IGBP1C: variants seen among roughly 807,000 people sequenced by gnomAD.
IGBP1C encodes immunoglobulin-binding protein 1 family member C.
the IGBP1C span, among the ~76,000 whole-genome samples, chr17:58,690,494 C>T: frequency 2.0e-5 from 3 of 152,088 alleles, no homozygotes; most frequent in Non-Finnish European, 4.4e-5. Context: ...CCACTGTCAA[C>T]GAAAGAAATT....
the IGBP1C span, among the ~76,000 whole-genome samples, chr17:58,667,479 G>A: frequency 6.6e-6 from 1 of 152,128 alleles, no homozygotes; most frequent in Admixed American, 6.5e-5. Context: ...AATACTAACA[G>A]CTAACATCTA....
chr17:58,678,267 C>G, the IGBP1C span, among the ~76,000 whole-genome samples: 1 of 152,130 alleles, frequency 6.6e-6, no homozygotes, highest in Non-Finnish European at 1.5e-5. Flanking sequence ...GACAGTGTGG[C>G]GATTCCTCAA....
At chr17:58,690,913 C>T in the IGBP1C span, among the ~76,000 whole-genome samples, 1 of 152,188 alleles carries the variant, frequency 6.6e-6, no homozygotes, top group Non-Finnish European at 1.5e-5. Flanking sequence ...ATCACCCAAG[C>T]TGGAGTGCAG....
At chr17:58,661,279 A>G in the IGBP1C span, 1 of 806,092 alleles carries the variant, frequency 1.2e-6, no homozygotes, top group South Asian at 1.3e-5. Flanking sequence ...AGTGTTCGCG[A>G]GCCTGCTGCA....
At chr17:58,687,269 C>T in the IGBP1C span, among the ~76,000 whole-genome samples, 3 of 152,094 alleles carry the variant, frequency 2.0e-5, no homozygotes, top group South Asian at 4.1e-4. Context: ...CCCCTTCTCC[C>T]ACCTCCCTTC....
chr17:58,677,492 G>T, the IGBP1C span: 1 of 152,130 alleles, frequency 6.6e-6, no homozygotes, highest in East Asian at 1.9e-4. Context: ...TAAAGACACA[G>T]TTCACAAGAA....
the IGBP1C span, chr17:58,679,496 C>A: frequency 6.6e-6 from 1 of 152,114 alleles, no homozygotes; most frequent in African/African-American, 2.4e-5. Flanking sequence ...AGCAAAGATA[C>A]AACGTACGCC....
the IGBP1C span, among the ~76,000 whole-genome samples, chr17:58,669,365 A>C: frequency 4.2e-4 from 64 of 151,630 alleles, no homozygotes; most frequent in Middle Eastern, 3.4e-3. Flanking sequence ...AACAAACAAA[A>C]AAAAAAACAG....
At chr17:58,662,350 T>G in the IGBP1C span, among the ~76,000 whole-genome samples, 2 of 151,276 alleles carry the variant, frequency 1.3e-5, no homozygotes, top group African/African-American at 2.4e-5. Flanking sequence ...CTCAGGAGGC[T>G]GAGGCAGGAG....
At chr17:58,686,608 C>CAGA in the IGBP1C span, among the ~76,000 whole-genome samples, 1 of 152,060 alleles carries the variant, frequency 6.6e-6, no homozygotes, top group Non-Finnish European at 1.5e-5. Flanking sequence ...GAAAGGAAAT[C>CAGA]AGAAGTGTGG....
At chr17:58,665,035 C>T in the IGBP1C span, among the ~76,000 whole-genome samples, 1 of 152,148 alleles carries the variant, frequency 6.6e-6, no homozygotes, top group Non-Finnish European at 1.5e-5. Context: ...TACAGCAAGG[C>T]TCTCTGGAAA....
At chr17:58,678,469 T>C in the IGBP1C span, among the ~76,000 whole-genome samples, 2 of 152,120 alleles carry the variant, frequency 1.3e-5, no homozygotes, top group South Asian at 2.1e-4. Context: ...ACGTGGCACA[T>C]ATACACCACG....
At chr17:58,676,860 G>A in the IGBP1C span, among the ~76,000 whole-genome samples, 1 of 152,066 alleles carries the variant, frequency 6.6e-6, no homozygotes, top group African/African-American at 2.4e-5. Context: ...ACCAGGTGGG[G>A]TGGCTCACGC....
chr17:58,679,638 C>T, the IGBP1C span: 2 of 152,188 alleles, frequency 1.3e-5, no homozygotes, highest in Non-Finnish European at 1.5e-5. Context: ...ACAAACCTCA[C>T]CCTGAAAAAT....
chr17:58,680,013 T>C, the IGBP1C span, among the ~76,000 whole-genome samples: 1 of 152,072 alleles, frequency 6.6e-6, no homozygotes, highest in Non-Finnish European at 1.5e-5. Context: ...GATTAAAAGG[T>C]AAATAACGTA....
the IGBP1C span, among the ~76,000 whole-genome samples, chr17:58,679,842 G>A: frequency 6.6e-6 from 1 of 151,996 alleles, no homozygotes. Flanking sequence ...TTTAATATCT[G>A]GCTATTCAAA....
At chr17:58,673,144 T>C in the IGBP1C span, among the ~76,000 whole-genome samples, 6 of 152,090 alleles carry the variant, frequency 3.9e-5, no homozygotes, top group Admixed American at 3.9e-4. Flanking sequence ...GGGGATGTTT[T>C]TGTTTCCCTG....
At chr17:58,668,003 AG>A in the IGBP1C span, among the ~76,000 whole-genome samples, 7 of 151,920 alleles carry the variant, frequency 4.6e-5, no homozygotes, top group African/African-American at 1.2e-4. Context: ...ATCCAGTTTT[AG>A]TAAAGGAACC....
the IGBP1C span, among the ~76,000 whole-genome samples, chr17:58,674,609 G>A: frequency 6.6e-6 from 1 of 152,026 alleles, no homozygotes; most frequent in Non-Finnish European, 1.5e-5. Context: ...GGCGGAGGTT[G>A]CAGTGAGCCG....
Sources: gnomAD v4.1 joint callset for allele counts (sites outside exome capture counted in the v4.1 genomes callset) on GRCh38, gnomAD v4.1.1 for gene constraint, MANE v1.5 for transcripts, NCBI Gene and HGNC (gene_info 2026-07-23, HGNC 2026-07-21) for gene names.